AGMO: variants seen among roughly 807,000 people sequenced by gnomAD.
AGMO encodes the protein alkylglycerol monooxygenase.
AGMO carries 75 observed loss-of-function variants against 60.2 expected under a neutral mutation model. The ratio of observed to expected loss-of-function variants is 1.25; its 90% CI spans 1.03 to 1.51. The LOEUF is 1.51. AGMO is among the 40% of genes most tolerant of loss of function. AGMO has a pLI of 0.00. For synonymous variants in AGMO, 261 were observed against 177.1 expected (o/e 1.47, Z -3.76); for missense variants, 763 against 525.5 (o/e 1.45, Z -4.42).
chr7:15,177,377 C>T, the AGMO span, among the ~76,000 whole-genome samples: 12 of 152,092 alleles, frequency 7.9e-5, no homozygotes, highest in Admixed American at 7.2e-4. Flanking sequence ...TACACTGTTT[C>T]ATTTAAAAAC....
the AGMO span, among the ~76,000 whole-genome samples, chr7:15,118,285 C>T: frequency 6.6e-6 from 1 of 151,782 alleles, no homozygotes; most frequent in Non-Finnish European, 1.5e-5. Flanking sequence ...ATAGTCTGAA[C>T]TCATTATTGG....
intron 12 of AGMO, among the ~76,000 whole-genome samples, chr7:15,204,629 G>A (rs1781393549): frequency 6.6e-6 from 1 of 152,136 alleles, no homozygotes; most frequent in African/African-American, 2.4e-5. Flanking sequence ...CCGTCCTTGT[G>A]CTAACACATC....
chr7:15,460,111 T>TA (rs1168917662), intron 3 of AGMO, among the ~76,000 whole-genome samples: 2 of 150,388 alleles, frequency 1.3e-5, no homozygotes, highest in Admixed American at 6.6e-5. Context: ...TTCCCCTTTT[T>TA]TTTTTGTTTT....
chr7:15,494,188 C>A (rs904838984), intron 3 of AGMO, among the ~76,000 whole-genome samples: 4 of 152,050 alleles, frequency 2.6e-5, no homozygotes, highest in African/African-American at 9.7e-5. Flanking sequence ...CTTAAGACAA[C>A]AAGAAAGGGG....
the AGMO span, among the ~76,000 whole-genome samples, chr7:15,191,930 A>T: frequency 0.099 from 14,846 of 150,560 alleles, 856 homozygotes; most frequent in East Asian, 0.15. Context: ...TAAATCATTG[A>T]TCGAATAAAA....
intron 3 of AGMO, among the ~76,000 whole-genome samples, chr7:15,464,354 C>A (rs1217771076): frequency 1.3e-5 from 2 of 152,194 alleles, no homozygotes; most frequent in Non-Finnish European, 2.9e-5. Context: ...AAATAACTTA[C>A]AGATTAAAAC....
intron 12 of AGMO, among the ~76,000 whole-genome samples, chr7:15,292,375 G>A (rs890481040): frequency 2.6e-5 from 4 of 152,158 alleles, no homozygotes; most frequent in Non-Finnish European, 4.4e-5. Flanking sequence ...CAATTACATT[G>A]TCGGTTCTAG....
In AGMO at chr7:15,274,752, G is replaced by T. The variant is rs576536085; in HGVS notation, c.1264-73393C>A. Among the ~76,000 whole-genome samples, 8 of 151,018 alleles carry T rather than the reference G, an allele frequency of 5.3e-5. 1 individual carries two copies. In the South Asian group the frequency reaches 1.5e-3, roughly 28 times the overall value. On this transcript the variant is annotated intron_variant, in intron 12 of 12. Coordinates refer to ENST00000342526, the MANE Select transcript of AGMO (RefSeq NM_001004320.2). ...GATTCAGTTTTATTACTAGTTATTG[G>T]CATATTGAGAATTTCTAATGTTTCC...
At chr7:15,330,641 T>C (rs911110888) in intron 12 of AGMO, among the ~76,000 whole-genome samples, 9 of 152,150 alleles carry the variant, frequency 5.9e-5, no homozygotes, top group African/African-American at 2.2e-4. Flanking sequence ...CAACTACACA[T>C]ATTTTTTCTG....
the AGMO span, among the ~76,000 whole-genome samples, chr7:15,132,542 A>G: frequency 6.6e-6 from 1 of 152,270 alleles, no homozygotes; most frequent in African/African-American, 2.4e-5. Flanking sequence ...CTCCATTCCA[A>G]TAAGGCATAA....
chr7:15,353,966 A>G (rs1257170360), intron 12 of AGMO, among the ~76,000 whole-genome samples: 1 of 152,150 alleles, frequency 6.6e-6, no homozygotes, highest in Non-Finnish European at 1.5e-5. Context: ...CAAAGCCAAT[A>G]CATTTTGGAA....
chr7:15,386,757 A>G (rs780271041), intron 9 of AGMO, among the ~76,000 whole-genome samples: 23 of 152,166 alleles, frequency 1.5e-4, no homozygotes, highest in Non-Finnish European at 2.6e-4. Context: ...CATTTATTTG[A>G]TAAGAAATCA....
At chr7:15,305,535 C>A (rs1780587502) in intron 12 of AGMO, among the ~76,000 whole-genome samples, 2 of 151,816 alleles carry the variant, frequency 1.3e-5, no homozygotes, top group African/African-American at 4.8e-5. Flanking sequence ...GTAGTTACTT[C>A]CTGTGAGTCG....
At chr7:15,462,499 A>G (rs1330265081) in intron 3 of AGMO, among the ~76,000 whole-genome samples, 1 of 152,170 alleles carries the variant, frequency 6.6e-6, no homozygotes, top group African/African-American at 2.4e-5. Context: ...TAAAATATAC[A>G]AAGAAATAAA....
the AGMO span, among the ~76,000 whole-genome samples, chr7:15,129,994 A>G: frequency 1.2e-4 from 19 of 152,234 alleles, no homozygotes; most frequent in African/African-American, 4.3e-4. Context: ...CCTGTATTGT[A>G]TAAGAGTTGG....
chr7:15,325,111 A>G (rs1390000942), intron 12 of AGMO, among the ~76,000 whole-genome samples: 1 of 152,176 alleles, frequency 6.6e-6, no homozygotes, highest in Non-Finnish European at 1.5e-5. Context: ...CATTTGAATA[A>G]AAAGAACTTT....
At chr7:15,278,232 T>G (rs1480503868) in intron 12 of AGMO, among the ~76,000 whole-genome samples, 4 of 152,126 alleles carry the variant, frequency 2.6e-5, no homozygotes, top group Admixed American at 2.6e-4. Flanking sequence ...TGCTGCTTCA[T>G]GTACAGAAGG....
intron 3 of AGMO, among the ~76,000 whole-genome samples, chr7:15,483,364 A>G (rs2128518139): frequency 6.6e-6 from 1 of 152,240 alleles, no homozygotes. Flanking sequence ...CAGGAGATTG[A>G]GACCATCCTG....
intron 12 of AGMO, among the ~76,000 whole-genome samples, chr7:15,357,648 G>A (rs907063187): frequency 6.6e-6 from 1 of 152,152 alleles, no homozygotes; most frequent in Non-Finnish European, 1.5e-5. Context: ...TGCAGATTTT[G>A]CAACTGCAAT....
Sources: allele counts gnomAD v4.1 joint callset (sites outside exome capture counted in the v4.1 genomes callset), GRCh38; gene constraint gnomAD v4.1.1; transcripts MANE v1.5; gene names NCBI Gene and HGNC (gene_info 2026-07-23, HGNC 2026-07-21).